TNFRSF21: variants seen among roughly 807,000 people sequenced by gnomAD.
The protein encoded by TNFRSF21 is TNF receptor superfamily member 21, also known as tumor necrosis factor receptor superfamily member 21.
In TNFRSF21, 19 loss-of-function variants were observed where a neutral mutation model predicts 45.6. The ratio of observed to expected loss-of-function variants is 0.42; its 90% CI spans 0.29 to 0.61. The LOEUF (loss-of-function observed/expected upper bound fraction) is 0.61, where lower values mean the gene tolerates loss of function less well. Ranked by LOEUF, TNFRSF21 falls within the 20% of genes least tolerant of loss-of-function variation. The pLI, the probability that TNFRSF21 is intolerant of heterozygous loss-of-function variation, is 0.23. For synonymous variants in TNFRSF21, 314 were observed against 335.5 expected, an observed-to-expected ratio of 0.94 and a Z score of 0.70; for missense variants, 737 against 851.5, an observed-to-expected ratio of 0.87 and a Z score of 1.67.
intron 4 of TNFRSF21, among the ~76,000 whole-genome samples, chr6:47,236,965 G>C (rs942569439): frequency 6.6e-6 from 1 of 152,000 alleles, no homozygotes; most frequent in Non-Finnish European, 1.5e-5. Context: ...TTGAAAACTT[G>C]AAATGTTTAA....
intron 1 of TNFRSF21, among the ~76,000 whole-genome samples, chr6:47,301,389 C>G (rs957726119): frequency 6.6e-6 from 1 of 152,154 alleles, no homozygotes. Context: ...TGTTATTTTT[C>G]CTTGACCAGG....
rs1582355998 is a variant in TNFRSF21 at position 47,292,075 on chromosome 6, G to A, written c.97-5480C>T. ...AGAAATCATTCCCAGTGATGATCTG[G>A]GAGTGAAACAATGAGTAATGGGGGT... On this transcript the variant is annotated intron_variant, in intron 1 of 5. Transcript: ENST00000296861. 4.6e-5 allele frequency among the ~76,000 whole-genome samples: 7 copies of A among 152,238 alleles called. No individual in the cohort carries two copies. The Middle Eastern group carries it at 0.02, about 444-fold the overall frequency.
intron 3 of TNFRSF21, among the ~76,000 whole-genome samples, chr6:47,265,481 A>T (rs1413829327): frequency 6.6e-6 from 1 of 152,124 alleles, no homozygotes; most frequent in Non-Finnish European, 1.5e-5. Flanking sequence ...TCATTAAGGG[A>T]CAGTGTCTAG....
intron 3 of TNFRSF21, among the ~76,000 whole-genome samples, chr6:47,274,439 T>C (rs1762467652): frequency 6.6e-6 from 1 of 152,180 alleles, no homozygotes; most frequent in Non-Finnish European, 1.5e-5. Context: ...TAGCCACATG[T>C]AGAAAGCTGA....
At chr6:47,277,926 C>T (rs1365806967) in intron 3 of TNFRSF21, among the ~76,000 whole-genome samples, 2 of 152,142 alleles carry the variant, frequency 1.3e-5, no homozygotes, top group Non-Finnish European at 2.9e-5. Context: ...TGTCTGCTAA[C>T]GCCACGCACA....
chr6:47,264,295 A>C (rs952404505), intron 3 of TNFRSF21, among the ~76,000 whole-genome samples: 45 of 152,316 alleles, frequency 3.0e-4, no homozygotes, highest in African/African-American at 1.0e-3. Flanking sequence ...TGGGAGGCCA[A>C]GGCAGGCGGA....
chr6:47,300,724 A>G (rs1416201798), intron 1 of TNFRSF21, among the ~76,000 whole-genome samples: 1 of 152,098 alleles, frequency 6.6e-6, no homozygotes, highest in Non-Finnish European at 1.5e-5. Context: ...GCCATCCCAC[A>G]TACTGTTCCT....
At chr6:47,233,660 AAACT>A (rs1764618409) in intron 5 of TNFRSF21, among the ~76,000 whole-genome samples, 1 of 133,514 alleles carries the variant, frequency 7.5e-6, no homozygotes, top group Admixed American at 7.6e-5. Context: ...CATAAAATAT[AAACT>A]AAAATATAAA....
intron 3 of TNFRSF21, among the ~76,000 whole-genome samples, chr6:47,259,374 C>CT (rs67674852): frequency 0.069 from 10,182 of 147,220 alleles, 448 homozygotes; most frequent in African/African-American, 0.13. Flanking sequence ...ATCACATTGC[C>CT]TTTTTTTTTT....
rs1764584264 is a variant in TNFRSF21, at chr6:47,231,713, A to T, written c.*1052T>A. 4 of 152,626 alleles carry T rather than the reference A, an allele frequency of 2.6e-5. No homozygotes were observed. In the South Asian group the frequency reaches 8.3e-4, roughly 32 times the overall value. 9.5% of individuals were successfully genotyped at this position (152,626 alleles called of 1,614,324 possible). A position where few individuals can be genotyped will look rare whatever the true frequency, so the allele number is the denominator to read the frequency against. On this transcript the variant is annotated 3_prime_UTR_variant, in exon 6 of 6. Coordinates refer to ENST00000296861, the MANE Select transcript of TNFRSF21 (RefSeq NM_014452.5). ...TAAATGGGAGCATAGTTGCAAATAT[A>T]TCAGACAAGGGTTCTTACAGTTGCA...
At position 47,260,178 on chromosome 6, in the gene TNFRSF21, C is replaced by T. The variant is rs1359084254; in HGVS notation, c.1244-6657G>A. The stretch of plus-strand genomic sequence containing the variant: ...GGTTTTAGCACTGGGATTATTGGTG[C>T]TGAACAATGAAGCCAAGCACCAGAC... On this transcript the variant is annotated intron_variant, in intron 3 of 5. Transcript: ENST00000296861. Among the ~76,000 whole-genome samples the T allele has an allele frequency of 2.0e-5, 3 of 152,088 alleles. No homozygotes were observed. In the East Asian group the frequency reaches 5.8e-4, roughly 29 times the overall value.
intron 1 of TNFRSF21, among the ~76,000 whole-genome samples, chr6:47,288,583 AAAG>A (rs1762679942): frequency 7.1e-6 from 1 of 141,648 alleles, no homozygotes; most frequent in African/African-American, 3.2e-5. Context: ...TAAAAAAAAA[AAAG>A]AAAAAGAAAA....
intron 4 of TNFRSF21, among the ~76,000 whole-genome samples, chr6:47,244,219 G>A (rs1263956119): frequency 4.0e-5 from 6 of 151,728 alleles, no homozygotes; most frequent in African/African-American, 1.5e-4. Flanking sequence ...AGCTACTCGG[G>A]AGGCAGAGGC....
chr6:47,234,084 C>A (rs1764625100), intron 5 of TNFRSF21, among the ~76,000 whole-genome samples: 4 of 152,146 alleles, frequency 2.6e-5, no homozygotes, highest in Admixed American at 2.6e-4. Context: ...CTCCGCGTCT[C>A]AGGTTCAAGT....
chr6:47,233,134 AGAGT>A lies in TNFRSF21; in HGVS notation c.1739-144_1739-141del, dbSNP rs1277643486. 1.6e-4 allele frequency: 113 copies of A among 707,824 alleles called. No individual in the cohort carries two copies. The South Asian group carries it at 1.9e-3, about 12-fold the overall frequency. 43.8% of individuals were successfully genotyped at this position (707,824 alleles called of 1,614,324 possible). ...ATTCTCCATCCTCCATTACAGTGAG[AGAGT>A]GAGTGATCCTCTGGCACATTCGAAA... On this transcript the variant is annotated intron_variant, in intron 5 of 5. Transcript: ENST00000296861.
In TNFRSF21 at chr6:47,309,814, C is replaced by A. The variant is rs990042682; in HGVS notation, c.-303G>T. 2 of 317,912 alleles carry A rather than the reference C, an allele frequency of 6.3e-6. No homozygotes were observed. Among genetic ancestry groups the A allele is most frequent in the Non-Finnish European group, 1.1e-5 (2 of 174,144 alleles). 19.7% of individuals were successfully genotyped at this position (317,912 alleles called of 1,614,324 possible). A position where few individuals can be genotyped will look rare whatever the true frequency, so the allele number is the denominator to read the frequency against. On this transcript the variant is annotated 5_prime_UTR_variant, in exon 1 of 6. Coordinates refer to ENST00000296861, the MANE Select transcript of TNFRSF21 (RefSeq NM_014452.5). ...AGGAGAACCAGGGAGGAGGACTGGG[C>A]GCGAGAGAGCAAAGGAACGACTTCC...
At chr6:47,269,880 A>C (rs930682469) in intron 3 of TNFRSF21, among the ~76,000 whole-genome samples, 4 of 152,236 alleles carry the variant, frequency 2.6e-5, no homozygotes, top group African/African-American at 9.6e-5. Context: ...CTTAGCCTAT[A>C]ACCTGCATGT....
chr6:47,291,586 G>A (rs1762730632), intron 1 of TNFRSF21, among the ~76,000 whole-genome samples: 1 of 152,192 alleles, frequency 6.6e-6, no homozygotes, highest in Non-Finnish European at 1.5e-5. Flanking sequence ...TAGGACTTAA[G>A]AGAGCACTGG....
intron 3 of TNFRSF21, among the ~76,000 whole-genome samples, chr6:47,269,830 G>C (rs190158340): frequency 7.2e-5 from 11 of 152,288 alleles, no homozygotes; most frequent in Non-Finnish European, 1.5e-4. Context: ...CAAGAGCGCT[G>C]CCTGGGCCCC....
Sources: gnomAD v4.1 joint callset for allele counts (sites outside exome capture counted in the v4.1 genomes callset) on GRCh38, gnomAD v4.1.1 for gene constraint, MANE v1.5 for transcripts, NCBI Gene and HGNC (gene_info 2026-07-23, HGNC 2026-07-21) for gene names.